Variants in RASGEF1B observed in about 807,000 individuals in gnomAD.
RASGEF1B encodes the protein ras-GEF domain-containing family member 1B.
Under a neutral mutation model 65.7 loss-of-function variants are expected in RASGEF1B, and 30 were observed. The ratio of observed to expected loss-of-function variants is 0.46; its 90% CI spans 0.34 to 0.62. The LOEUF (loss-of-function observed/expected upper bound fraction) is 0.62, where lower values mean the gene tolerates loss of function less well. Among genes scored for constraint, RASGEF1B ranks in the 20% least tolerant of loss-of-function variants. The pLI is 0.01. For missense variants in RASGEF1B, 495 were observed against 580.1 expected (o/e 0.85, Z 1.51); for synonymous variants, 175 against 194.8 (o/e 0.90, Z 0.85).
chr4:81,453,028 G>A (rs918571177), intron 4 of RASGEF1B: 1 of 150,954 alleles, frequency 6.6e-6, no homozygotes, highest in Non-Finnish European at 1.5e-5. Flanking sequence ...AAAGTCCCAG[G>A]CAAGAAGCAA....
intron 7 of RASGEF1B, 49 bp from the exon 8 acceptor site, chr4:81,445,677 A>G (rs898249667): frequency 8.9e-6 from 14 of 1,581,526 alleles, no homozygotes; most frequent in Non-Finnish European, 1.2e-5. Context: ...TGAAGGCCCA[A>G]CAGTTCTAAA....
chr4:81,467,355 T>C (rs1459946152), intron 1 of RASGEF1B, among the ~76,000 whole-genome samples: 2 of 152,186 alleles, frequency 1.3e-5, no homozygotes, highest in African/African-American at 4.8e-5. Flanking sequence ...AGCTAAGATT[T>C]GTCATCTTTT....
rs770891934 is a variant in RASGEF1B, at chr4:81,427,826, A to T, written c.1398-34T>A. The T allele has an allele frequency of 3.7e-6, 6 of 1,604,392 alleles. No individual in the cohort carries two copies. The African/African-American group carries it at 8.1e-5, about 22-fold the overall frequency. ...TAAAAACAACACAACCTAAGACAGAATGTAACAGACTACTTGAACTAGGAT... is the reference window on the plus strand; with the variant it reads ...TAAAAACAACACAACCTAAGACAGATTGTAACAGACTACTTGAACTAGGAT... On this transcript the variant is annotated intron_variant, in intron 13 of 13. Transcript: ENST00000264400.
chr4:81,461,151 G>A (rs917199600), intron 1 of RASGEF1B, among the ~76,000 whole-genome samples: 2 of 152,174 alleles, frequency 1.3e-5, no homozygotes, highest in Non-Finnish European at 2.9e-5. Context: ...AAATTGCCAG[G>A]TTTCTATGAG....
In RASGEF1B at chr4:81,447,573, C is replaced by T. The variant is rs1382291739; in HGVS notation, c.660G>A (p.Arg220=). Reference sequence around the variant, plus strand: ...ATTCTTCTGGCCCAATATAATTGAGCCTCTCCTGAAACACAAACCCAGAAG... The same window carrying T: ...ATTCTTCTGGCCCAATATAATTGAGTCTCTCCTGAAACACAAACCCAGAAG... ...AQQLTHIELE[R]LNYIGPEEFV... Residue 220 remains arginine (R), a synonymous_variant, in exon 6 of 14, where the codon AGG becomes AGA. Coordinates refer to ENST00000264400, the MANE Select transcript of RASGEF1B (RefSeq NM_152545.3). 1.2e-6 allele frequency: 2 copies of T among 1,613,534 alleles called. No individual in the cohort carries two copies. The highest frequency in any genetic ancestry group is 1.7e-6 in the Non-Finnish European group (2 of 1,179,706).
chr4:81,465,474 G>C (rs1389607254), intron 1 of RASGEF1B, among the ~76,000 whole-genome samples: 1 of 152,214 alleles, frequency 6.6e-6, no homozygotes, highest in East Asian at 1.9e-4. Context: ...TGACAGACAA[G>C]ACATCTTACA....
intron 1 of RASGEF1B, among the ~76,000 whole-genome samples, chr4:81,466,817 A>AGAAAGAAAGAAG (rs1553947168): frequency 6.7e-6 from 1 of 149,606 alleles, no homozygotes; most frequent in Admixed American, 6.6e-5. Flanking sequence ...AAAGAAAGAA[A>AGAAAGAAAGAAG]GAAAGAAAAT....
intron 1 of RASGEF1B, among the ~76,000 whole-genome samples, chr4:81,466,767 AAAAAAAG>A (rs1722830386): frequency 3.1e-5 from 4 of 129,482 alleles, no homozygotes; most frequent in African/African-American, 1.2e-4. Context: ...TCAAAAAAAA[AAAAAAAG>A]AAAGAAAGAA....
intron 13 of RASGEF1B, among the ~76,000 whole-genome samples, chr4:81,430,083 C>A (rs921040476): frequency 6.6e-6 from 1 of 152,144 alleles, no homozygotes; most frequent in Non-Finnish European, 1.5e-5. Flanking sequence ...GGGCGGATCA[C>A]GAGGTCAGGA....
intron 4 of RASGEF1B, chr4:81,450,907 G>C (rs371447204): frequency 6.6e-6 from 1 of 152,110 alleles, no homozygotes; most frequent in African/African-American, 2.4e-5. Context: ...AACTTAAAAT[G>C]TTTTATTCAG....
intron 1 of RASGEF1B, among the ~76,000 whole-genome samples, chr4:81,462,532 C>T (rs1722683316): frequency 6.6e-6 from 1 of 152,186 alleles, no homozygotes; most frequent in Non-Finnish European, 1.5e-5. Flanking sequence ...TCCCATGAAA[C>T]CACCTTGATT....
In RASGEF1B at chr4:81,434,679, C is replaced by A. The variant is rs1414063449; in HGVS notation, c.1160G>T (p.Gly387Val). ...LIKDIYFLNE[G>V]CANRLPNGHV... is the part of the protein sequence containing the mutation. Reference sequence around the variant, plus strand: ...GCCATTGGGAAGGCGGTTGGCACAACCCTCATTGAGGAAATAAATATCTTT... The same window carrying A: ...GCCATTGGGAAGGCGGTTGGCACAAACCTCATTGAGGAAATAAATATCTTT... The change falls in exon 11 of 14, where the codon GGT becomes GTT. Residue 387 changes from glycine (G) to valine (V), a missense_variant. Gly to Val is a moderately radical substitution (Grantham distance 109). Transcript: ENST00000264400. 4.4e-6 allele frequency: 7 copies of A among 1,607,356 alleles called. No homozygotes were observed. The highest frequency in any genetic ancestry group is 1.1e-5 in the South Asian group (1 of 90,902).
chr4:81,446,970 A>G (rs1276853503), intron 6 of RASGEF1B, among the ~76,000 whole-genome samples: 1 of 152,180 alleles, frequency 6.6e-6, no homozygotes, highest in Non-Finnish European at 1.5e-5. Context: ...AAATTTTCTT[A>G]TATGTGTACA....
intron 9 of RASGEF1B, among the ~76,000 whole-genome samples, chr4:81,441,533 G>A (rs1721836769): frequency 1.3e-5 from 2 of 149,082 alleles, no homozygotes; most frequent in African/African-American, 2.5e-5. Context: ...ACATACTCTT[G>A]CACGCGATTT....
At chr4:81,467,099 T>C (rs773641598) in intron 1 of RASGEF1B, among the ~76,000 whole-genome samples, 1 of 150,700 alleles carries the variant, frequency 6.6e-6, no homozygotes, top group Admixed American at 6.6e-5. Context: ...ACATGCTTAG[T>C]AGATTTCACA....
At chr4:81,457,714 A>T (rs1722499005) in intron 2 of RASGEF1B, 93 bp from the exon 3 acceptor site, 1 of 1,413,982 alleles carries the variant, frequency 7.1e-7, no homozygotes, top group African/African-American at 1.4e-5. Context: ...AGTTCTCCTG[A>T]TCAAGTTCAT....
intron 10 of RASGEF1B, 54 bp from the exon 11 acceptor site, chr4:81,434,788 C>G: frequency 1.2e-6 from 1 of 830,116 alleles, no homozygotes; most frequent in Non-Finnish European, 2.1e-6. Flanking sequence ...TTTAGCCTTT[C>G]ATAAAAATAC....
chr4:81,432,375 C>T lies in RASGEF1B; in HGVS notation c.1325-4G>A, dbSNP rs779161295. ...TCATAAGAAGCCAAGTAGAGAGCTA[C>T]AATCAAACAAAAGAAAGTGCATTAA... On this transcript the variant is annotated splice_polypyrimidine_tract_variant and splice_region_variant and intron_variant, in intron 12 of 13. Coordinates refer to ENST00000264400, the MANE Select transcript of RASGEF1B (RefSeq NM_152545.3). The T allele has an allele frequency of 6.3e-7, 1 of 1,592,798 alleles. No individual in the cohort carries two copies. The highest frequency in any genetic ancestry group is 1.1e-5 in the South Asian group (1 of 90,004).
At chr4:81,453,578 C>G (rs753790043) in intron 4 of RASGEF1B, 5 of 152,142 alleles carry the variant, frequency 3.3e-5, no homozygotes, top group African/African-American at 4.8e-5. Flanking sequence ...GCAGATCCCA[C>G]AAATACAGAG....
Sources: allele counts gnomAD v4.1 joint callset (sites outside exome capture counted in the v4.1 genomes callset), GRCh38; gene constraint gnomAD v4.1.1; transcripts MANE v1.5; gene names NCBI Gene and HGNC (gene_info 2026-07-23, HGNC 2026-07-21).